Variants in UTS2 observed in about 807,000 individuals in gnomAD.
UTS2 encodes the protein urotensin 2.
A neutral mutation model predicts 12.6 loss-of-function variants in UTS2; 10 were observed. The observed-to-expected ratio is 0.80, with a 90% CI of 0.49 to 1.35. The LOEUF is 1.35. Among genes scored for constraint, UTS2 ranks in the 40% most tolerant of loss-of-function variants. The probability of loss-of-function intolerance (pLI) is 0.00; values close to 1 mark genes in which losing one functional copy is unlikely to be tolerated. For synonymous variants in UTS2, 52 were observed against 50.0 expected (o/e 1.04, Z -0.17); for missense variants, 142 against 143.2 (o/e 0.99, Z 0.04).
At chr1:7,898,976 T>C in the UTS2 span, among the ~76,000 whole-genome samples, 3 of 152,090 alleles carry the variant, frequency 2.0e-5, no homozygotes, top group Non-Finnish European at 4.4e-5. Context: ...CGAGGTTCCA[T>C]AGGCTGTACA....
chr1:7,883,010 CAAA>C, the UTS2 span, among the ~76,000 whole-genome samples: 16 of 149,988 alleles, frequency 1.1e-4, 1 homozygote, highest in African/African-American at 2.9e-4. Flanking sequence ...GGAGGTTTCT[CAAA>C]AAAAAACTGA....
chr1:7,903,006 TCCCTCTTCCCCTCCTTC>T, the UTS2 span, among the ~76,000 whole-genome samples: 1,318 of 116,846 alleles, frequency 0.011, 193 homozygotes, highest in African/African-American at 0.055. Context: ...CCTCCCTCCT[TCCCTCTTCCCCTCCTTC>T]CCCTCCTCCC....
chr1:7,885,005 C>T, the UTS2 span, among the ~76,000 whole-genome samples: 1 of 150,384 alleles, frequency 6.6e-6, no homozygotes, highest in Non-Finnish European at 1.5e-5. Context: ...CTCATCCATC[C>T]ATCCACTCAT....
the UTS2 span, among the ~76,000 whole-genome samples, chr1:7,866,951 C>T: frequency 0.014 from 2,078 of 152,298 alleles, 30 homozygotes; most frequent in Non-Finnish European, 0.019. The surrounding 1 kb of genome is among the most constrained non-coding windows in gnomAD (Gnocchi z 4.5). Flanking sequence ...CTCACTGCAA[C>T]CTCCGCCTCC....
chr1:7,867,897 TAAACCTGGAA>T, the UTS2 span, among the ~76,000 whole-genome samples: 1 of 151,942 alleles, frequency 6.6e-6, no homozygotes, highest in African/African-American at 2.4e-5. Context: ...AATAAATAAA[TAAACCTGGAA>T]AAGTAAGTCT....
At chr1:7,857,543 G>A (rs1339589634), upstream of UTS2, among the ~76,000 whole-genome samples, 2 of 152,042 alleles carry the variant, frequency 1.3e-5, no homozygotes, top group South Asian at 2.1e-4. Context: ...GAAAATAAAG[G>A]GATTTTTTTC....
At chr1:7,909,211 G>A in the UTS2 span, among the ~76,000 whole-genome samples, 3 of 152,060 alleles carry the variant, frequency 2.0e-5, no homozygotes, top group African/African-American at 7.2e-5. Flanking sequence ...ATTTGGGTGG[G>A]GACACAGCCA....
In UTS2 at chr1:7,849,678, T is replaced by C. The variant is rs368059001; in HGVS notation, c.220A>G (p.Ser74Gly). The change falls in exon 3 of 4, where the codon AGT (serine) becomes GGT (glycine). Residue 74 changes from serine (S) to glycine (G), a missense_variant. By Grantham distance (56) the Ser-to-Gly change is moderately conservative. Coordinates refer to ENST00000361696, the MANE Select transcript of UTS2 (RefSeq NM_006786.4). ...RGDILRKADS[S>G]TNIFNPRGNL... ...CCTCTTGGGTTAAAAATGTTGGTAC[T>C]TGAGTCTGAAAAACAGTTTTGAAGC... is the stretch of plus-strand genomic sequence containing the variant. The C allele has an allele frequency of 4.5e-5, 73 of 1,609,550 alleles. No individual in the cohort carries two copies. Among genetic ancestry groups the C allele is most frequent in the Admixed American group, 3.5e-4 (20 of 57,898 alleles).
At chr1:7,863,907 C>T in the UTS2 span, among the ~76,000 whole-genome samples, 1 of 152,358 alleles carries the variant, frequency 6.6e-6, no homozygotes, top group South Asian at 2.1e-4. Context: ...GCCCGGCCAT[C>T]TGGAGGCTGG....
At chr1:7,848,828 G>A (rs228652) in intron 3 of UTS2, among the ~76,000 whole-genome samples, 38,271 of 152,072 alleles carry the variant, frequency 0.25, 5,123 homozygotes, top group Admixed American at 0.36. Flanking sequence ...TCTGTACATC[G>A]TTCAGGTCAA....
the UTS2 span, among the ~76,000 whole-genome samples, chr1:7,894,333 C>A: frequency 2.6e-5 from 4 of 152,020 alleles, no homozygotes; most frequent in African/African-American, 4.8e-5. Context: ...ACCACTACAT[C>A]CAGCTAGTTT....
the UTS2 span, among the ~76,000 whole-genome samples, chr1:7,895,098 G>T: frequency 2.0e-5 from 3 of 152,312 alleles, no homozygotes; most frequent in Admixed American, 2.0e-4. Flanking sequence ...GCCTGGCACG[G>T]TGGCTCACAC....
chr1:7,912,361 C>A, the UTS2 span, among the ~76,000 whole-genome samples: 1 of 152,196 alleles, frequency 6.6e-6, no homozygotes, highest in South Asian at 2.1e-4. Context: ...CGGCATAAAC[C>A]AATCAAAACT....
chr1:7,849,710 A>T, intron 2 of UTS2, 27 bp from the exon 3 acceptor site: 2 of 1,595,010 alleles, frequency 1.3e-6, no homozygotes, highest in Non-Finnish European at 1.7e-6. Flanking sequence ...AAGCCAGTTC[A>T]TCAGATCTGT....
the UTS2 span, among the ~76,000 whole-genome samples, chr1:7,881,338 G>A: frequency 6.6e-6 from 1 of 152,252 alleles, no homozygotes; most frequent in Admixed American, 6.5e-5. Context: ...TTGAAAGAGA[G>A]GAAGTGAAAT....
upstream of UTS2, chr1:7,853,473 T>C: frequency 1.9e-6 from 3 of 1,585,992 alleles, no homozygotes; most frequent in South Asian, 3.5e-5. Context: ...TGCCATGCTG[T>C]GTTTAGGGCT....
the UTS2 span, among the ~76,000 whole-genome samples, chr1:7,886,700 A>G: frequency 1.3e-5 from 2 of 152,178 alleles, no homozygotes; most frequent in Non-Finnish European, 2.9e-5. Context: ...TGGCACCGCC[A>G]TTACATTACA....
At chr1:7,897,806 C>T in the UTS2 span, among the ~76,000 whole-genome samples, 1 of 152,028 alleles carries the variant, frequency 6.6e-6, no homozygotes, top group Non-Finnish European at 1.5e-5. Flanking sequence ...AGGCTGGTCT[C>T]GAACTGCTGA....
upstream of UTS2, among the ~76,000 whole-genome samples, chr1:7,854,870 A>C (rs1638274772): frequency 6.6e-6 from 1 of 151,960 alleles, no homozygotes; most frequent in Admixed American, 6.6e-5. Flanking sequence ...TAATAATAAT[A>C]ATAATCATGG....
Sources: allele counts gnomAD v4.1 joint callset (sites outside exome capture counted in the v4.1 genomes callset), GRCh38; gene constraint gnomAD v4.1.1; non-coding constraint Gnocchi (gnomAD v3.1); transcripts MANE v1.5; gene names NCBI Gene and HGNC (gene_info 2026-07-23, HGNC 2026-07-21).